POLR2G: variants seen among roughly 807,000 people sequenced by gnomAD.
The protein encoded by POLR2G is RNA polymerase II subunit G.
In POLR2G, 19 loss-of-function variants were observed where a neutral mutation model predicts 25.7. The observed-to-expected ratio is 0.74, with a 90% CI of 0.52 to 1.08. The LOEUF (loss-of-function observed/expected upper bound fraction) is 1.08, where lower values mean the gene tolerates loss of function less well. POLR2G is among the 50% of genes least tolerant of loss of function. The pLI is 0.00. For synonymous variants in POLR2G, 79 were observed against 76.0 expected (o/e 1.04, Z -0.21); for missense variants, 123 against 218.5 (o/e 0.56, Z 2.76).
chr11:62,765,430 G>A (rs1246787642), intron 5 of POLR2G, 25 bp downstream of exon 5: 1 of 1,578,662 alleles, frequency 6.3e-7, no homozygotes, highest in Admixed American at 1.7e-5. Context: ...AGAAGTCAGG[G>A]AGACAAGGAG....
intron 3 of POLR2G, 21 bp from the exon 4 acceptor site, chr11:62,765,161 G>T (rs1216658787): frequency 6.2e-7 from 1 of 1,611,886 alleles, no homozygotes. Context: ...ACGGCCGTAA[G>T]ATCACTCATT....
At chr11:62,765,103 G>C (rs541520875) in intron 3 of POLR2G, 79 bp from the exon 4 acceptor site, 2 of 1,209,740 alleles carry the variant, frequency 1.7e-6, no homozygotes, top group Admixed American at 1.7e-5. Flanking sequence ...GTGATCCACC[G>C]GCCTCGGCCT....
intron 3 of POLR2G, among the ~76,000 whole-genome samples, 186 bp from the exon 4 acceptor site, chr11:62,764,996 T>C (rs2084107808): frequency 2.0e-5 from 3 of 152,074 alleles, no homozygotes; most frequent in African/African-American, 7.2e-5. Context: ...GTAGCTGGGA[T>C]TAGAGGTGCA....
intron 3 of POLR2G, among the ~76,000 whole-genome samples, chr11:62,763,325 C>T (rs1320418762): frequency 7.5e-5 from 11 of 146,752 alleles, no homozygotes; most frequent in Non-Finnish European, 1.2e-4. Flanking sequence ...GACGGAGTCT[C>T]GCTTTGTCAC....
intron 3 of POLR2G, 103 bp downstream of exon 3, chr11:62,763,129 C>CTTTT (rs149301237): frequency 1.4e-3 from 372 of 274,766 alleles, no homozygotes; most frequent in East Asian, 2.4e-3. Context: ...AGTCACTTCA[C>CTTTT]TTTTTTTTTT....
At chr11:62,766,463 TCTAA>T (rs1465211133) in intron 7 of POLR2G, 27 bp from the exon 8 acceptor site, 1 of 1,613,624 alleles carries the variant, frequency 6.2e-7, no homozygotes, top group Non-Finnish European at 8.5e-7. Flanking sequence ...AAATTCCGGT[TCTAA>T]CTGATATGCT....
At chr11:62,765,501 G>T in intron 5 of POLR2G, 96 bp downstream of exon 5, 1 of 1,140,134 alleles carries the variant, frequency 8.8e-7, no homozygotes, top group East Asian at 2.4e-5. Flanking sequence ...GATGGTCCCC[G>T]AATTACCATG....
intron 3 of POLR2G, among the ~76,000 whole-genome samples, chr11:62,764,577 T>C (rs1166659918): frequency 6.6e-6 from 1 of 152,164 alleles, no homozygotes; most frequent in African/African-American, 2.4e-5. Context: ...GGAAGATTGC[T>C]TGAGCCTAGG....
Position 62,765,644 on chromosome 11 carries a change from TCTC to T in POLR2G, c.400-5_400-3del, listed in dbSNP as rs1723269320. 6.3e-7 allele frequency: 1 copy of T among 1,593,176 alleles called. No homozygotes were observed. The highest frequency in any genetic ancestry group is 1.3e-5 in the African/African-American group (1 of 74,498). The stretch of plus-strand genomic sequence containing the variant: ...GGAGCATCTGTACACTGTTCCCTCC[TCTC>T]CTCAGGATATTGTGATTCAGCAGGA... On this transcript the variant is annotated splice_region_variant and splice_polypyrimidine_tract_variant and intron_variant, in intron 5 of 7. Transcript: ENST00000301788.
intron 5 of POLR2G, 61 bp downstream of exon 5, chr11:62,765,466 A>T (rs1470542988): frequency 4.3e-6 from 6 of 1,398,128 alleles, no homozygotes; most frequent in African/African-American, 4.2e-5. Flanking sequence ...GAGGGAGAAT[A>T]TTGGCCTGGG....
At chr11:62,762,278 G>C in intron 2 of POLR2G, 1 of 274,860 alleles carries the variant, frequency 3.6e-6, no homozygotes, top group Non-Finnish European at 7.3e-6. Context: ...TCATTCTGCT[G>C]GTTTTCTCTT....
rs2084095508 is a variant in POLR2G, at chr11:62,762,869, A to G, written c.125A>G (p.Tyr42Cys). ...CCTGTTTCTCATCCTCCTTGCAGGT[A>G]TGGCTTTGTAATTGCTGTCACCACC... The part of the protein sequence containing the change: ...TEVEGTCTGK[Y>C]GFVIAVTTID... The change falls in exon 3 of 8, where the codon TAT becomes TGT. Residue 42 changes from tyrosine to cysteine, a missense_variant and splice_region_variant. Transcript: ENST00000301788. 9.4e-6 allele frequency: 15 copies of G among 1,588,054 alleles called. No homozygotes were observed. The highest frequency in any genetic ancestry group is 1.1e-5 in the Non-Finnish European group (13 of 1,161,844).
At chr11:62,766,011 T>G (rs772006151) in intron 6 of POLR2G, among the ~76,000 whole-genome samples, 1 of 151,810 alleles carries the variant, frequency 6.6e-6, no homozygotes, top group Non-Finnish European at 1.5e-5. Flanking sequence ...ATGGTCTCGA[T>G]CTCCTGACCT....
chr11:62,762,795 C>A, intron 2 of POLR2G, 72 bp from the exon 3 acceptor site: 1 of 1,292,986 alleles, frequency 7.7e-7, no homozygotes, highest in Non-Finnish European at 1.1e-6. Flanking sequence ...AAGAGCTCAG[C>A]GACTTTTATT....
rs932280069 is a variant in POLR2G, at chr11:62,766,391, G to A, written c.506-103G>A. 1.5e-5 allele frequency: 23 copies of A among 1,532,596 alleles called. No individual in the cohort carries two copies. In the Admixed American group the frequency reaches 3.8e-4, roughly 26 times the overall value. 94.9% of individuals were successfully genotyped at this position (1,532,596 alleles called of 1,614,324 possible). A position where few individuals can be genotyped will look rare whatever the true frequency, so the allele number is the denominator to read the frequency against. The stretch of plus-strand genomic sequence containing the variant: ...GAGAGACAGAAGAAACTTTCATGCT[G>A]TCTGCTTGAAAGATCCAGGACATTT... On this transcript the variant is annotated intron_variant, in intron 7 of 7. Coordinates refer to ENST00000301788, the MANE Select transcript of POLR2G (RefSeq NM_002696.3).
chr11:62,762,564 C>T (rs1298912915), intron 2 of POLR2G: 1 of 491,194 alleles, frequency 2.0e-6, no homozygotes, highest in Non-Finnish European at 4.0e-6. Flanking sequence ...CTGGGGCAGA[C>T]CTGAGAATCT....
rs1487504340 is a variant in POLR2G, at chr11:62,766,656, A to G, written c.*149A>G. On this transcript the variant is annotated 3_prime_UTR_variant, in exon 8 of 8. Transcript: ENST00000301788. ...ATCTGGTGCTTCTTGTAGCTTAACT[A>G]CTGCCTCCTCATTTTTCAGTATGTG... 1.5e-5 allele frequency: 10 copies of G among 659,234 alleles called. No individual in the cohort carries two copies. The highest frequency in any genetic ancestry group is 2.4e-5 in the Non-Finnish European group (9 of 369,928). 40.8% of individuals were successfully genotyped at this position (659,234 alleles called of 1,614,324 possible).
intron 6 of POLR2G, among the ~76,000 whole-genome samples, 189 bp downstream of exon 6, chr11:62,765,913 G>A (rs950472473): frequency 1.3e-5 from 2 of 150,482 alleles, no homozygotes; most frequent in East Asian, 2.0e-4. Context: ...TCAGCCTCCC[G>A]AGTAGCTGGG....
chr11:62,766,141 C>G, intron 6 of POLR2G, 102 bp from the exon 7 acceptor site: 1 of 1,010,032 alleles, frequency 9.9e-7, no homozygotes, highest in South Asian at 1.3e-5. Context: ...TGCTCTTCTG[C>G]CAGGAAGAAG....
Sources: gnomAD v4.1 joint callset for allele counts (sites outside exome capture counted in the v4.1 genomes callset) on GRCh38, gnomAD v4.1.1 for gene constraint, MANE v1.5 for transcripts, NCBI Gene and HGNC (gene_info 2026-07-23, HGNC 2026-07-21) for gene names.